Variants in KIRREL3 observed in about 807,000 individuals in gnomAD.
KIRREL3 encodes kin of IRRE-like protein 3.
In KIRREL3, 36 loss-of-function variants were observed where a neutral mutation model predicts 89.7. The ratio of observed to expected loss-of-function variants is 0.40; its 90% CI spans 0.31 to 0.53. The LOEUF is 0.53. Ranked by LOEUF, KIRREL3 falls within the 20% of genes least tolerant of loss-of-function variation. The probability of loss-of-function intolerance (pLI) is 0.49; values close to 1 mark genes in which losing one functional copy is unlikely to be tolerated. For missense variants in KIRREL3, 864 were observed against 1,056.6 expected, an observed-to-expected ratio of 0.82 and a Z score of 2.53; for synonymous variants, 445 against 441.4, an observed-to-expected ratio of 1.01 and a Z score of -0.10.
rs546838723 is a variant in KIRREL3 at position 126,659,997 on chromosome 11, T to G, written c.56-97085A>C. On this transcript the variant is annotated intron_variant, in intron 1 of 16. Coordinates refer to ENST00000525144, the MANE Select transcript of KIRREL3 (RefSeq NM_032531.4). Reference sequence around the variant, plus strand: ...CACCCTCTAGGTGGCATTCTGGTCTTGAAAAGCATGATAAAAATTTGGGGT... The same window carrying G: ...CACCCTCTAGGTGGCATTCTGGTCTGGAAAAGCATGATAAAAATTTGGGGT... Among the ~76,000 whole-genome samples, 176 of 152,320 alleles carry G rather than the reference T, an allele frequency of 1.2e-3. 3 individuals carry two copies. The South Asian group carries it at 0.027, about 23-fold the overall frequency.
At position 126,430,956 on chromosome 11, in the gene KIRREL3, C is replaced by T. The variant is rs1020712628; in HGVS notation, c.1696+463G>A. The T allele has an allele frequency of 4.8e-6, 5 of 1,043,434 alleles. No individual in the cohort carries two copies. The African/African-American group carries it at 8.4e-5, about 18-fold the overall frequency. The allele number at this position is 1,043,434 out of a possible 1,614,324, so 64.6% of individuals were successfully genotyped here. ...AAGACCTTTAAAAGTTTTCTCAAAG[C>T]AATTCCTTTATTGCTTCCCCACCCA... On this transcript the variant is annotated intron_variant, in intron 14 of 16. Coordinates refer to ENST00000525144, the MANE Select transcript of KIRREL3 (RefSeq NM_032531.4). This position sits in a 1 kb window ranked among gnomAD's most constrained non-coding sequence, Gnocchi z 6.6.
chr11:126,499,803 TTC>T (rs1462872696), intron 4 of KIRREL3, among the ~76,000 whole-genome samples: 1 of 152,258 alleles, frequency 6.6e-6, no homozygotes, highest in African/African-American at 2.4e-5. Context: ...ATCCCAGATT[TTC>T]TGAGTTGAAA....
chr11:126,909,367 C>G lies in KIRREL3; in HGVS notation c.55+91088G>C, dbSNP rs555521993. Among the ~76,000 whole-genome samples the G allele has an allele frequency of 6.6e-6, 1 of 152,184 alleles. No individual in the cohort carries two copies. Among genetic ancestry groups the G allele is most frequent in the African/African-American group, 2.4e-5 (1 of 41,434 alleles). The stretch of plus-strand genomic sequence containing the variant: ...GTTCCTCAAGGCAAGAGAGCAAGGA[C>G]GCATTGCACTCATCCTTGCATATCT... On this transcript the variant is annotated intron_variant, in intron 1 of 16. Coordinates refer to ENST00000525144, the MANE Select transcript of KIRREL3 (RefSeq NM_032531.4). This position sits in a 1 kb window ranked among gnomAD's most constrained non-coding sequence, Gnocchi z 4.5.
At chr11:126,819,338 A>G (rs568380170) in intron 1 of KIRREL3, among the ~76,000 whole-genome samples, 14 of 152,304 alleles carry the variant, frequency 9.2e-5, no homozygotes, top group African/African-American at 3.4e-4. Flanking sequence ...GGGAATGTGC[A>G]GAAGGAGGAC....
chr11:126,688,925 A>G (rs1391599565), intron 1 of KIRREL3, among the ~76,000 whole-genome samples: 1 of 152,134 alleles, frequency 6.6e-6, no homozygotes, highest in African/African-American at 2.4e-5. Context: ...AGGAGGAAAT[A>G]AAAGCAAGAA....
At chr11:126,952,777 G>A (rs376938293) in intron 1 of KIRREL3, among the ~76,000 whole-genome samples, 16 of 152,212 alleles carry the variant, frequency 1.1e-4, no homozygotes, top group African/African-American at 2.6e-4. Flanking sequence ...CCAAAACCAC[G>A]ATGAGATACC....
intron 1 of KIRREL3, among the ~76,000 whole-genome samples, chr11:126,626,290 C>T (rs995025784): frequency 1.3e-5 from 2 of 152,232 alleles, no homozygotes; most frequent in African/African-American, 4.8e-5. Context: ...AAAATGGTAG[C>T]CCTGAGAACA....
chr11:126,458,633 G>T (rs978289205), intron 6 of KIRREL3, among the ~76,000 whole-genome samples: 6 of 152,208 alleles, frequency 3.9e-5, no homozygotes, highest in Non-Finnish European at 8.8e-5. Context: ...GTAGCAGGTG[G>T]CTGACTGTGC....
Position 126,753,101 on chromosome 11 carries a change from C to T in KIRREL3, c.56-190189G>A, listed in dbSNP as rs149827716. ...TTTAGGGATATGGGGTGAATGAACT[C>T]GAGGACCAGCACTCGTCCAATAAAT... On this transcript the variant is annotated intron_variant, in intron 1 of 16. Transcript: ENST00000525144. Among the ~76,000 whole-genome samples the T allele has an allele frequency of 1.4e-3, 215 of 152,268 alleles. 1 individual carries two copies. Among genetic ancestry groups the T allele is most frequent in the African/African-American group, 5.0e-3 (207 of 41,554 alleles).
intron 1 of KIRREL3, among the ~76,000 whole-genome samples, chr11:126,680,588 G>C (rs1233016143): frequency 6.6e-6 from 1 of 152,030 alleles, no homozygotes; most frequent in Non-Finnish European, 1.5e-5. Context: ...ACATATGCAA[G>C]GACTGGGGTT....
rs1361090179 is a variant in KIRREL3 at position 126,428,373 on chromosome 11, C to T, written c.1806+806G>A. On this transcript the variant is annotated intron_variant, in intron 15 of 16. Transcript: ENST00000525144. The surrounding 1 kb of genome is among the most constrained non-coding windows in gnomAD (Gnocchi z 6.4). ...AGATGATGGCCCATAAATGGGGATT[C>T]GGAAGAGGAGGAGCAGGCTTGATGT... 6.6e-6 allele frequency among the ~76,000 whole-genome samples: 1 copy of T among 152,048 alleles called. No homozygotes were observed. Among genetic ancestry groups the T allele is most frequent in the African/African-American group, 2.4e-5 (1 of 41,384 alleles).
chr11:126,552,550 G>GTA (rs201214323), intron 2 of KIRREL3, among the ~76,000 whole-genome samples: 1,104 of 81,758 alleles, frequency 0.014, 90 homozygotes, highest in African/African-American at 0.044. Flanking sequence ...AGAGAGAAAA[G>GTA]TTTTTTTTTT....
chr11:126,680,450 A>G (rs925902576), intron 1 of KIRREL3, among the ~76,000 whole-genome samples: 2 of 151,852 alleles, frequency 1.3e-5, no homozygotes, highest in African/African-American at 4.9e-5. Flanking sequence ...GGACTTGGCC[A>G]CATGCTGATT....
rs1944946012 is a variant in KIRREL3 at position 126,652,497 on chromosome 11, TAG to T, written c.56-89587_56-89586del. On this transcript the variant is annotated intron_variant, in intron 1 of 16. Coordinates refer to ENST00000525144, the MANE Select transcript of KIRREL3 (RefSeq NM_032531.4). This position sits in a 1 kb window ranked among gnomAD's most constrained non-coding sequence, Gnocchi z 4.9. ...TCATCCTCATAACAGCCCTATGGTG[TAG>T]AGAATATCATTATCTCCACTTCACA... is the stretch of plus-strand genomic sequence containing the variant. Among the ~76,000 whole-genome samples the T allele has an allele frequency of 6.6e-6, 1 of 152,134 alleles. No homozygotes were observed. Among genetic ancestry groups the T allele is most frequent in the African/African-American group, 2.4e-5 (1 of 41,412 alleles).
At chr11:126,859,657 A>G (rs1386684158) in intron 1 of KIRREL3, among the ~76,000 whole-genome samples, 1 of 152,242 alleles carries the variant, frequency 6.6e-6, no homozygotes. Context: ...TTGAATTGAC[A>G]TTAAAGGTAA....
At chr11:126,785,444 T>C (rs998680324) in intron 1 of KIRREL3, among the ~76,000 whole-genome samples, 2 of 152,156 alleles carry the variant, frequency 1.3e-5, no homozygotes, top group Non-Finnish European at 2.9e-5. Flanking sequence ...CCCTGTGATA[T>C]GAAGCGTTCC....
intron 11 of KIRREL3, among the ~76,000 whole-genome samples, chr11:126,439,016 G>C (rs1267027861): frequency 6.6e-6 from 1 of 152,192 alleles, no homozygotes; most frequent in Non-Finnish European, 1.5e-5. Flanking sequence ...AGTTTTCCCC[G>C]AGTAGTGCTA....
At chr11:126,505,936 C>A (rs1209026355) in intron 4 of KIRREL3, among the ~76,000 whole-genome samples, 2 of 152,134 alleles carry the variant, frequency 1.3e-5, no homozygotes, top group Non-Finnish European at 2.9e-5. Context: ...CATTTTTTTG[C>A]AGATGTTGAC....
chr11:126,430,454 C>T lies in KIRREL3; in HGVS notation c.1696+965G>A, dbSNP rs185908096. Among the ~76,000 whole-genome samples the T allele has an allele frequency of 1.3e-5, 2 of 152,086 alleles. No homozygotes were observed. Among genetic ancestry groups the T allele is most frequent in the East Asian group, 3.9e-4 (2 of 5,178 alleles). On this transcript the variant is annotated intron_variant, in intron 14 of 16. Coordinates refer to ENST00000525144, the MANE Select transcript of KIRREL3 (RefSeq NM_032531.4). The surrounding 1 kb of genome is among the most constrained non-coding windows in gnomAD (Gnocchi z 6.6). ...AGAGAGACCCTATATAAAAAAAAAC[C>T]GTATATATATGTGTATATATGCGTA... is the stretch of plus-strand genomic sequence containing the variant.
Sources: gnomAD v4.1 joint callset for allele counts (sites outside exome capture counted in the v4.1 genomes callset) on GRCh38, gnomAD v4.1.1 for gene constraint, Gnocchi (gnomAD v3.1) non-coding constraint, MANE v1.5 for transcripts, NCBI Gene and HGNC (gene_info 2026-07-23, HGNC 2026-07-21) for gene names.